Variants in PHF20 observed in about 807,000 individuals in gnomAD.
The protein encoded by PHF20 is glioma-expressed antigen 2.
A neutral mutation model predicts 113.5 loss-of-function variants in PHF20; 23 were observed. That is an observed-to-expected ratio of 0.20 (90% CI 0.15 to 0.29). PHF20 has a LOEUF of 0.29. Among genes scored for constraint, PHF20 ranks in the 10% least tolerant of loss-of-function variants. The probability of loss-of-function intolerance (pLI) is 1.00; values close to 1 mark genes in which losing one functional copy is unlikely to be tolerated. For missense variants in PHF20, 943 were observed against 1,219.6 expected (o/e 0.77, Z 3.38); for synonymous variants, 434 against 457.3 (o/e 0.95, Z 0.65).
intron 10 of PHF20, among the ~76,000 whole-genome samples, chr20:35,906,531 C>T (rs1291102696): frequency 7.0e-6 from 1 of 142,676 alleles, no homozygotes; most frequent in Admixed American, 6.9e-5. Flanking sequence ...CTTGCTTTCT[C>T]CCCGTTGTTC....
At chr20:35,833,462 A>G (rs1360303744) in intron 2 of PHF20, among the ~76,000 whole-genome samples, 1 of 152,192 alleles carries the variant, frequency 6.6e-6, no homozygotes, top group Non-Finnish European at 1.5e-5. Context: ...ATACTGGGGT[A>G]TGTTTGTCCT....
At chr20:35,872,155 A>G (rs981109847) in intron 9 of PHF20, among the ~76,000 whole-genome samples, 5 of 149,104 alleles carry the variant, frequency 3.4e-5, no homozygotes, top group Non-Finnish European at 7.4e-5. Flanking sequence ...TACCTAATTG[A>G]TTTTAGATCT....
At chr20:35,919,845 G>T (rs568553314) in intron 13 of PHF20, among the ~76,000 whole-genome samples, 12 of 152,318 alleles carry the variant, frequency 7.9e-5, no homozygotes, top group African/African-American at 2.4e-4. Context: ...ACAGGAGATT[G>T]TAAAGAGGTG....
chr20:35,863,029 C>G lies in PHF20; in HGVS notation c.437C>G (p.Ala146Gly). The change falls in exon 6 of 18, where the codon GCT becomes GGT. Residue 146 changes from alanine (A) to glycine (G), a missense_variant. Physicochemically the swap from Ala to Gly is moderately conservative, Grantham distance 60 (BLOSUM62 0). Coordinates refer to ENST00000374012, the MANE Select transcript of PHF20 (RefSeq NM_016436.5). Reference protein sequence around the residue: ...FSKDQNIVGNARPKETDHKSL... With the variant: ...FSKDQNIVGNGRPKETDHKSL... Reference sequence around the variant, plus strand: ...TCATTTTAGAATATTGTGGGTAATGCTAGGCCTAAAGAAACAGATCACAAA... The same window carrying G: ...TCATTTTAGAATATTGTGGGTAATGGTAGGCCTAAAGAAACAGATCACAAA... The G allele has an allele frequency of 1.3e-6, 2 of 1,585,130 alleles. No homozygotes were observed. The highest frequency in any genetic ancestry group is 1.7e-6 in the Non-Finnish European group (2 of 1,171,472).
At chr20:35,803,839 C>T (rs1406285239) in intron 2 of PHF20, among the ~76,000 whole-genome samples, 1 of 151,306 alleles carries the variant, frequency 6.6e-6, no homozygotes, top group Non-Finnish European at 1.5e-5. Flanking sequence ...GTGATTTACC[C>T]ATACTTAACT....
rs200949915 is a variant in PHF20 at position 35,845,720 on chromosome 20, A to G, written c.256-1630A>G. On this transcript the variant is annotated intron_variant, in intron 3 of 17. Transcript: ENST00000374012. ...TTTTTAAACAGGCATTGAGACATCTATAATGGTCCTGCTGCTTTTGGATCT... is the reference window on the plus strand; with the variant it reads ...TTTTTAAACAGGCATTGAGACATCTGTAATGGTCCTGCTGCTTTTGGATCT... Among the ~76,000 whole-genome samples, 15 of 151,206 alleles carry G rather than the reference A, an allele frequency of 9.9e-5. No individual in the cohort carries two copies. The East Asian group carries it at 1.6e-3, about 16-fold the overall frequency.
chr20:35,838,651 C>T (rs1181958859), intron 2 of PHF20, among the ~76,000 whole-genome samples: 3 of 152,066 alleles, frequency 2.0e-5, no homozygotes, highest in Non-Finnish European at 2.9e-5. Context: ...CAGTTGTTAT[C>T]GTTTTAACTT....
In PHF20 at chr20:35,914,064, C is replaced by A. The variant is rs781769761; in HGVS notation, c.1692C>A (p.Thr564=). 11 of 1,614,138 alleles carry A rather than the reference C, an allele frequency of 6.8e-6. No individual in the cohort carries two copies. Among genetic ancestry groups the A allele is most frequent in the Non-Finnish European group, 7.6e-6 (9 of 1,180,016 alleles). The change falls in exon 12 of 18, where the codon ACC becomes ACA. Residue 564 remains threonine (T), a synonymous_variant. Coordinates refer to ENST00000374012, the MANE Select transcript of PHF20 (RefSeq NM_016436.5). The stretch of plus-strand genomic sequence containing the variant: ...CCTGCAGTGAGGAGATCAGTGACAC[C>A]TCCCAGGAACCTTCTCCACCCAAGG... ...ECPCSEEISD[T]SQEPSPPKAF... is the part of the protein sequence containing the mutation.
At chr20:35,883,328 C>G (rs2051860241) in intron 9 of PHF20, among the ~76,000 whole-genome samples, 1 of 152,208 alleles carries the variant, frequency 6.6e-6, no homozygotes, top group Admixed American at 6.5e-5. Flanking sequence ...TAACTTTTCC[C>G]TATTAATTCT....
chr20:35,871,476 T>G (rs1344393655), intron 8 of PHF20, among the ~76,000 whole-genome samples, 174 bp from the exon 9 acceptor site: 1 of 152,176 alleles, frequency 6.6e-6, no homozygotes, highest in African/African-American at 2.4e-5. Flanking sequence ...ACCTCTTTCT[T>G]TGAGAAGCTC....
intron 10 of PHF20, among the ~76,000 whole-genome samples, chr20:35,903,077 C>CCTTTCT (rs1555799692): frequency 1.2e-4 from 7 of 60,006 alleles, no homozygotes; most frequent in African/African-American, 4.7e-4. Flanking sequence ...CCTATCCTTT[C>CCTTTCT]TTTTTTTTTT....
In PHF20 at chr20:35,931,085, G is replaced by T. The variant is rs1257535408; in HGVS notation, c.2105-164G>T. ...TCCCCACTACCTAATAGAGAGCCCA[G>T]CATATGGTAGGTGCCAAGAAAATGT... On this transcript the variant is annotated intron_variant, in intron 14 of 17. Coordinates refer to ENST00000374012, the MANE Select transcript of PHF20 (RefSeq NM_016436.5). 2.0e-5 allele frequency among the ~76,000 whole-genome samples: 3 copies of T among 152,206 alleles called. No homozygotes were observed. In the East Asian group the frequency reaches 5.8e-4, roughly 29 times the overall value.
intron 9 of PHF20, among the ~76,000 whole-genome samples, chr20:35,898,507 C>T (rs1236331185): frequency 2.0e-5 from 3 of 152,148 alleles, no homozygotes; most frequent in East Asian, 1.9e-4. Flanking sequence ...ATGATCTCAG[C>T]TCACTGCAAC....
At chr20:35,880,648 T>G (rs1487909570) in intron 9 of PHF20, among the ~76,000 whole-genome samples, 1 of 152,190 alleles carries the variant, frequency 6.6e-6, no homozygotes, top group Non-Finnish European at 1.5e-5. Context: ...ATATTTACTT[T>G]ATTATTCTAC....
intron 10 of PHF20, among the ~76,000 whole-genome samples, chr20:35,904,834 TG>T (rs1377986011): frequency 7.6e-6 from 1 of 131,416 alleles, no homozygotes. Context: ...TCTTTTTTTT[TG>T]TTTGTTTGAG....
chr20:35,808,469 G>A (rs2146878368), intron 2 of PHF20, among the ~76,000 whole-genome samples: 1 of 151,974 alleles, frequency 6.6e-6, no homozygotes, highest in Non-Finnish European at 1.5e-5. Context: ...TTGTTTGCTG[G>A]AAGTTTTTTT....
intron 4 of PHF20, chr20:35,855,281 A>G (rs1231751396): frequency 7.5e-7 from 1 of 1,337,278 alleles, no homozygotes; most frequent in African/African-American, 1.5e-5. Flanking sequence ...ACAGGAACCC[A>G]GACCTTTGTT....
intron 2 of PHF20, among the ~76,000 whole-genome samples, chr20:35,814,554 G>C (rs1007426568): frequency 2.0e-5 from 3 of 150,670 alleles, no homozygotes; most frequent in African/African-American, 7.3e-5. Flanking sequence ...TCAGGCCTGG[G>C]TAACAGAGTA....
intron 10 of PHF20, among the ~76,000 whole-genome samples, chr20:35,906,386 G>A (rs1416090726): frequency 6.6e-6 from 1 of 152,240 alleles, no homozygotes; most frequent in Non-Finnish European, 1.5e-5. Context: ...TGAACTGCAA[G>A]TTACCCATGG....
Sources: gnomAD v4.1 joint callset for allele counts (sites outside exome capture counted in the v4.1 genomes callset) on GRCh38, gnomAD v4.1.1 for gene constraint, MANE v1.5 for transcripts, NCBI Gene and HGNC (gene_info 2026-07-23, HGNC 2026-07-21) for gene names.